Variants in SESTD1 observed in about 807,000 individuals in gnomAD.
SESTD1 encodes SEC14 domain and spectrin repeat-containing protein 1.
SESTD1 carries 43 observed loss-of-function variants against 101.7 expected under a neutral mutation model. The observed-to-expected ratio is 0.42, with a 90% CI of 0.33 to 0.55. SESTD1 has a LOEUF of 0.55. Among genes scored for constraint, SESTD1 ranks in the 20% least tolerant of loss-of-function variants. The pLI, the probability that SESTD1 is intolerant of heterozygous loss-of-function variation, is 0.07. For synonymous variants in SESTD1, 283 were observed against 286.8 expected, an observed-to-expected ratio of 0.99 and a Z score of 0.13; for missense variants, 647 against 815.1, an observed-to-expected ratio of 0.79 and a Z score of 2.51.
chr2:179,256,356 T>C (rs1188329331), intron 1 of SESTD1, among the ~76,000 whole-genome samples: 3 of 152,184 alleles, frequency 2.0e-5, no homozygotes, highest in African/African-American at 7.2e-5. Context: ...CTGACATGAA[T>C]AGGAGTTTGG....
At chr2:179,174,770 G>A (rs528804161) in intron 4 of SESTD1, among the ~76,000 whole-genome samples, 3 of 152,010 alleles carry the variant, frequency 2.0e-5, no homozygotes, top group Non-Finnish European at 4.4e-5. Flanking sequence ...AGACCAGCTG[G>A]AGCAATATAG....
At chr2:179,147,513 C>T (rs1162852385) in intron 7 of SESTD1, among the ~76,000 whole-genome samples, 1 of 152,038 alleles carries the variant, frequency 6.6e-6, no homozygotes, top group East Asian at 1.9e-4. Context: ...AGGTGCGTGC[C>T]ACCACGCCTG....
intron 1 of SESTD1, among the ~76,000 whole-genome samples, chr2:179,193,195 T>G (rs982724242): frequency 2.6e-5 from 4 of 152,196 alleles, no homozygotes; most frequent in Non-Finnish European, 5.9e-5. Context: ...AGATAATGGC[T>G]AATTAAACAA....
intron 1 of SESTD1, among the ~76,000 whole-genome samples, chr2:179,197,166 A>C (rs1285518658): frequency 6.6e-6 from 1 of 152,188 alleles, no homozygotes; most frequent in East Asian, 1.9e-4. Context: ...AAGAAAGAAG[A>C]AGCCTCAGGA....
chr2:179,243,156 A>G (rs1362736945), intron 1 of SESTD1, among the ~76,000 whole-genome samples: 1 of 152,078 alleles, frequency 6.6e-6, no homozygotes, highest in Non-Finnish European at 1.5e-5. Flanking sequence ...CAGACATACA[A>G]GCAGCCAACA....
At chr2:179,188,153 T>C (rs1276698191) in intron 2 of SESTD1, among the ~76,000 whole-genome samples, 2 of 152,148 alleles carry the variant, frequency 1.3e-5, no homozygotes, top group South Asian at 2.1e-4. Context: ...ATATGAAACA[T>C]ACTCTAAGAC....
chr2:179,137,563 G>A (rs961063458), intron 9 of SESTD1, among the ~76,000 whole-genome samples: 2 of 152,224 alleles, frequency 1.3e-5, no homozygotes, highest in Non-Finnish European at 2.9e-5. Flanking sequence ...TGAGCATAAT[G>A]ATAGCACATT....
intron 5 of SESTD1, among the ~76,000 whole-genome samples, chr2:179,158,812 C>T (rs529931631): frequency 7.2e-5 from 11 of 152,242 alleles, no homozygotes; most frequent in African/African-American, 2.4e-4. Context: ...TGTAGACATA[C>T]AGAATTGTAT....
chr2:179,252,536 C>G (rs1315804031), intron 1 of SESTD1, among the ~76,000 whole-genome samples: 2 of 152,190 alleles, frequency 1.3e-5, no homozygotes, highest in African/African-American at 4.8e-5. Flanking sequence ...CAGGAGTCCA[C>G]CATCTTCCAC....
In SESTD1 at chr2:179,245,377, G is replaced by A. The variant is rs555585401; in HGVS notation, c.-26+19122C>T. Among the ~76,000 whole-genome samples the A allele has an allele frequency of 7.2e-5, 11 of 152,022 alleles. No individual in the cohort carries two copies. The East Asian group carries it at 2.1e-3, about 29-fold the overall frequency. On this transcript the variant is annotated intron_variant, in intron 1 of 17. Transcript: ENST00000428443. ...TTGAAAATACAAAAATTAGCCAGGT[G>A]TGGTGGCACATGCCTGTAGTCCCAG... is the stretch of plus-strand genomic sequence containing the variant.
At chr2:179,180,368 A>C (rs1172420845) in intron 3 of SESTD1, among the ~76,000 whole-genome samples, 1 of 152,180 alleles carries the variant, frequency 6.6e-6, no homozygotes, top group African/African-American at 2.4e-5. Flanking sequence ...TATTAGGAAG[A>C]GGCTACCTTA....
At chr2:179,237,050 C>G (rs12621023) in intron 1 of SESTD1, among the ~76,000 whole-genome samples, 40,086 of 151,796 alleles carry the variant, frequency 0.26, 5,492 homozygotes, top group South Asian at 0.43. Context: ...AATCTTCTAT[C>G]AGAAAAATGT....
chr2:179,107,238 A>G lies in SESTD1; in HGVS notation c.*2661T>C, dbSNP rs1005597716. The G allele has an allele frequency of 2.0e-5, 3 of 152,196 alleles. No homozygotes were observed. Among genetic ancestry groups the G allele is most frequent in the Admixed American group, 1.3e-4 (2 of 15,268 alleles). The allele number at this position is 152,196 out of a possible 1,614,324, so 9.4% of individuals were successfully genotyped here. A position where few individuals can be genotyped will look rare whatever the true frequency, so the allele number is the denominator to read the frequency against. ...TTAGGGCATTACTGGATTTTCATTC[A>G]TAACTCTATGTACAGATACACATAT... On this transcript the variant is annotated 3_prime_UTR_variant, in exon 18 of 18. Coordinates refer to ENST00000428443, the MANE Select transcript of SESTD1 (RefSeq NM_178123.5).
chr2:179,106,911 C>T lies in SESTD1; in HGVS notation c.*2988G>A, dbSNP rs940368693. On this transcript the variant is annotated 3_prime_UTR_variant, in exon 18 of 18. Coordinates refer to ENST00000428443, the MANE Select transcript of SESTD1 (RefSeq NM_178123.5). ...TGCCAAACTGCCATTATATATTAAGCTTACACAGGAGCAAACAAATGATAA... is the reference window on the plus strand; with the variant it reads ...TGCCAAACTGCCATTATATATTAAGTTTACACAGGAGCAAACAAATGATAA... 1 of 151,890 alleles carries T rather than the reference C, an allele frequency of 6.6e-6. No individual in the cohort carries two copies. The highest frequency in any genetic ancestry group is 2.4e-5 in the African/African-American group (1 of 41,340). 9.4% of individuals were successfully genotyped at this position (151,890 alleles called of 1,614,324 possible).
chr2:179,177,426 A>G (rs899753474), intron 3 of SESTD1, among the ~76,000 whole-genome samples: 1 of 152,064 alleles, frequency 6.6e-6, no homozygotes, highest in Non-Finnish European at 1.5e-5. Context: ...CCCCATCCAA[A>G]CTGTTCCCAG....
intron 1 of SESTD1, among the ~76,000 whole-genome samples, chr2:179,221,951 T>C (rs1030748331): frequency 6.6e-6 from 1 of 152,068 alleles, no homozygotes; most frequent in African/African-American, 2.4e-5. Context: ...AAAAACAACA[T>C]ATATTGTATT....
In SESTD1 at chr2:179,146,471, A is replaced by T; in HGVS notation, c.582-14T>A. 1 of 1,607,192 alleles carries T rather than the reference A, an allele frequency of 6.2e-7. No homozygotes were observed. Among genetic ancestry groups the T allele is most frequent in the Non-Finnish European group, 8.5e-7 (1 of 1,177,338 alleles). Reference sequence around the variant, plus strand: ...AAATCCACAGACCTGGAAAACACCAAAGGAGTAATTTTCAAAAGGCATATT... The same window carrying T: ...AAATCCACAGACCTGGAAAACACCATAGGAGTAATTTTCAAAAGGCATATT... On this transcript the variant is annotated splice_polypyrimidine_tract_variant and intron_variant, in intron 7 of 17. Transcript: ENST00000428443.
chr2:179,162,928 T>C (rs1160956458), intron 5 of SESTD1, among the ~76,000 whole-genome samples: 12 of 150,878 alleles, frequency 8.0e-5, no homozygotes, highest in African/African-American at 2.9e-4. Flanking sequence ...GAGGCGGAGG[T>C]TGCAGTGAGC....
intron 4 of SESTD1, among the ~76,000 whole-genome samples, chr2:179,172,673 C>T (rs1178209449): frequency 6.6e-6 from 1 of 152,056 alleles, no homozygotes; most frequent in Non-Finnish European, 1.5e-5. Flanking sequence ...AGTCATTATA[C>T]AATGAGACCA....
Sources: allele counts gnomAD v4.1 joint callset (sites outside exome capture counted in the v4.1 genomes callset), GRCh38; gene constraint gnomAD v4.1.1; transcripts MANE v1.5; gene names NCBI Gene and HGNC (gene_info 2026-07-23, HGNC 2026-07-21).